Variants in PCDH15 observed in about 807,000 individuals in gnomAD.
PCDH15 encodes protocadherin-15.
Under a neutral mutation model 178.5 loss-of-function variants are expected in PCDH15, and 129 were observed. That is an observed-to-expected ratio of 0.72 (90% CI 0.63 to 0.84). PCDH15 has a LOEUF of 0.84. PCDH15 is among the 40% of genes least tolerant of loss of function. The pLI is 0.00. For synonymous variants in PCDH15, 800 were observed against 732.0 expected (o/e 1.09, Z -1.50); for missense variants, 2,230 against 2,099.9 (o/e 1.06, Z -1.21).
At chr10:54,754,627 TATC>T (rs1174827379) in intron 1 of PCDH15, among the ~76,000 whole-genome samples, 2 of 152,112 alleles carry the variant, frequency 1.3e-5, no homozygotes, top group Admixed American at 6.6e-5. Flanking sequence ...ATTTAATTAT[TATC>T]ATTATTTTTT....
intron 1 of PCDH15, among the ~76,000 whole-genome samples, chr10:55,205,606 A>G (rs568853239): frequency 3.3e-5 from 5 of 152,176 alleles, no homozygotes; most frequent in Middle Eastern, 3.4e-3. Flanking sequence ...TGAGGACATT[A>G]GGTATATTAT....
chr10:54,286,668 C>T (rs796647616), intron 8 of PCDH15, among the ~76,000 whole-genome samples: 1 of 152,246 alleles, frequency 6.6e-6, no homozygotes, highest in African/African-American at 2.4e-5. Context: ...CTCTATTGCT[C>T]AGTCTGGAGT....
intron 2 of PCDH15, among the ~76,000 whole-genome samples, chr10:55,005,207 A>AAATAATAATAATAAT (rs373796184): frequency 0.016 from 1,689 of 103,340 alleles, 27 homozygotes; most frequent in African/African-American, 0.037. Context: ...CCCTGTCTCT[A>AAATAATAATAATAAT]AATAATAATA....
At chr10:54,149,886 A>G (rs73245406) in intron 14 of PCDH15, among the ~76,000 whole-genome samples, 2,346 of 152,226 alleles carry the variant, frequency 0.015, 76 homozygotes, top group African/African-American at 0.054. Flanking sequence ...TTCTGAATAC[A>G]TTTTTAGAGT....
intron 25 of PCDH15, among the ~76,000 whole-genome samples, chr10:53,928,162 T>G (rs2084734606): frequency 6.6e-6 from 1 of 152,092 alleles, no homozygotes; most frequent in African/African-American, 2.4e-5. Context: ...GAATGTTCAC[T>G]CCTATGTACA....
At chr10:55,541,109 C>T in intron 2 of PCDH15, among the ~76,000 whole-genome samples, 1 of 151,970 alleles carries the variant, frequency 6.6e-6, no homozygotes, top group East Asian at 1.9e-4. Flanking sequence ...TAGAAACAGG[C>T]AACTTTGCAA....
rs763704132 is a variant in PCDH15 at position 54,774,007 on chromosome 10, C to CTTTTTTTTTTTTTT, written c.-29+26904_-29+26917dup. The stretch of plus-strand genomic sequence containing the variant: ...TAGATGAACTGGCATACTTCATAGG[C>CTTTTTTTTTTTTTT]TTTTTTTTTTTTTTTTTTTTTTTTT... On this transcript the variant is annotated intron_variant, in intron 1 of 37. Coordinates refer to ENST00000644397, the MANE Select transcript of PCDH15 (RefSeq NM_001384140.1). Among the ~76,000 whole-genome samples the CTTTTTTTTTTTTTT allele has an allele frequency of 2.4e-4, 18 of 75,378 alleles. 3 individuals are homozygous for CTTTTTTTTTTTTTT. The highest frequency in any genetic ancestry group is 6.1e-4 in the East Asian group (1 of 1,628). 49.5% of individuals were successfully genotyped at this position (75,378 alleles called of 152,430 possible). A position where few individuals can be genotyped will look rare whatever the true frequency, so the allele number is the denominator to read the frequency against.
intron 2 of PCDH15, among the ~76,000 whole-genome samples, chr10:55,149,021 T>C (rs1416407806): frequency 6.6e-6 from 1 of 151,302 alleles, no homozygotes; most frequent in Non-Finnish European, 1.5e-5. Context: ...TTTATTATCT[T>C]AGATGAAAAT....
In PCDH15 at chr10:54,667,692, T is replaced by C. The variant is rs979764671; in HGVS notation, c.-28-3402A>G. Among the ~76,000 whole-genome samples the C allele has an allele frequency of 3.3e-5, 5 of 152,040 alleles. No individual in the cohort carries two copies. In the East Asian group the frequency reaches 7.7e-4, roughly 23 times the overall value. The stretch of plus-strand genomic sequence containing the variant: ...TCAAACTCTTTCCATGTTCCCCGAG[T>C]ATATATTTTTCCTACAGAATTTATT... On this transcript the variant is annotated intron_variant, in intron 1 of 37. Transcript: ENST00000644397.
chr10:54,132,938 C>T lies in PCDH15; in HGVS notation c.1854G>A (p.Gln618=). Residue 618 remains glutamine, a synonymous_variant, in exon 15 of 38, where the codon CAG becomes CAA. Transcript: ENST00000644397. ...PNNQSPPRFP[Q]LMYSLEISEA... is the part of the protein sequence containing the mutation. ...CACTAATTTCAAGGCTATACATCAGCTGTGGGAAGCGAGGAGGGCTTTGAT... is the reference window on the plus strand; with the variant it reads ...CACTAATTTCAAGGCTATACATCAGTTGTGGGAAGCGAGGAGGGCTTTGAT... The T allele has an allele frequency of 6.2e-7, 1 of 1,614,000 alleles. No homozygotes were observed. Among genetic ancestry groups the T allele is most frequent in the Non-Finnish European group, 8.5e-7 (1 of 1,179,980 alleles).
At chr10:54,341,276 G>T (rs1280708749) in intron 6 of PCDH15, among the ~76,000 whole-genome samples, 2 of 152,240 alleles carry the variant, frequency 1.3e-5, no homozygotes, top group South Asian at 2.1e-4. Context: ...GGTAGGTGGT[G>T]ACTGGTTTAT....
At chr10:55,619,836 A>G (rs190952868) in intron 2 of PCDH15, among the ~76,000 whole-genome samples, 81 of 152,142 alleles carry the variant, frequency 5.3e-4, no homozygotes, top group Non-Finnish European at 1.0e-3. Flanking sequence ...GAATGCTATC[A>G]TTTTAAATTA....
At chr10:53,861,898 G>T (rs1341709155) in intron 27 of PCDH15, among the ~76,000 whole-genome samples, 1 of 151,940 alleles carries the variant, frequency 6.6e-6, no homozygotes, top group Non-Finnish European at 1.5e-5. Flanking sequence ...GGTCTCTGCT[G>T]CAAACTCACA....
chr10:55,391,647 C>G (rs761817358), intron 2 of PCDH15, among the ~76,000 whole-genome samples: 1 of 151,832 alleles, frequency 6.6e-6, no homozygotes, highest in African/African-American at 2.4e-5. Flanking sequence ...CCACCACACC[C>G]GCCTAATTTT....
chr10:55,602,229 A>AG (rs1024525418), intron 2 of PCDH15, among the ~76,000 whole-genome samples: 1 of 152,144 alleles, frequency 6.6e-6, no homozygotes, highest in African/African-American at 2.4e-5. Flanking sequence ...CCTGGCTCGG[A>AG]GGGTCCTACG....
chr10:54,610,858 TG>T (rs2092937669), intron 2 of PCDH15, among the ~76,000 whole-genome samples: 1 of 151,172 alleles, frequency 6.6e-6, no homozygotes, highest in African/African-American at 2.5e-5. Context: ...AGGTGTACCC[TG>T]GAACAATGCA....
rs201762164 is a variant in PCDH15, at chr10:55,404,125, A to AC, written c.-156+223499dup. On this transcript the variant is annotated intron_variant, in intron 2 of 5. Coordinates refer to the PCDH15 transcript ENST00000613346. ...AATGTATAGTTAGATTAATAAGAAT[A>AC]CCCCCCACATTTTCCTCTTGGGATA... Among the ~76,000 whole-genome samples the AC allele has an allele frequency of 7.9e-3, 1,202 of 151,940 alleles. 14 individuals are homozygous for AC. The highest frequency in any genetic ancestry group is 0.026 in the African/African-American group (1,080 of 41,464).
At chr10:54,260,885 G>A (rs1468129477) in intron 8 of PCDH15, among the ~76,000 whole-genome samples, 3 of 152,074 alleles carry the variant, frequency 2.0e-5, no homozygotes, top group African/African-American at 7.2e-5. Flanking sequence ...TGCCCACGTT[G>A]GCCTCCCAAA....
At position 55,325,997 on chromosome 10, in the gene PCDH15, G is replaced by A. The variant is rs574883626; in HGVS notation, c.-155-159346C>T. On this transcript the variant is annotated intron_variant, in intron 2 of 5. Transcript: ENST00000613346. ...AAGTATATGAAAAAAAATGCTCAGC[G>A]TCACTAATCATTAGAGAAATCCAAA... Among the ~76,000 whole-genome samples the A allele has an allele frequency of 1.6e-4, 25 of 152,090 alleles. No homozygotes were observed. The South Asian group carries it at 2.1e-3, about 13-fold the overall frequency.
Sources: gnomAD v4.1 joint callset for allele counts (sites outside exome capture counted in the v4.1 genomes callset) on GRCh38, gnomAD v4.1.1 for gene constraint, MANE v1.5 for transcripts, NCBI Gene and HGNC (gene_info 2026-07-23, HGNC 2026-07-21) for gene names.